Variants in ANKRD28 observed in about 807,000 individuals in gnomAD.
ANKRD28 encodes the protein ankyrin repeat domain 28.
Under a neutral mutation model 126.5 loss-of-function variants are expected in ANKRD28, and 44 were observed. That is an observed-to-expected ratio of 0.35 (90% CI 0.27 to 0.45). The LOEUF (loss-of-function observed/expected upper bound fraction) is 0.45, where lower values mean the gene tolerates loss of function less well. Among genes scored for constraint, ANKRD28 ranks in the 20% least tolerant of loss-of-function variants. The pLI is 1.00. For synonymous variants in ANKRD28, 442 were observed against 468.5 expected (o/e 0.94, Z 0.73); for missense variants, 1,110 against 1,316.6 (o/e 0.84, Z 2.43).
chr3:15,695,240 AT>A, intron 15 of ANKRD28, 26 bp from the exon 16 acceptor site: 1 of 1,533,764 alleles, frequency 6.5e-7, no homozygotes, highest in Non-Finnish European at 8.9e-7. Flanking sequence ...AAACAAAAAT[AT>A]TTAGCTTGGG....
At chr3:15,695,947 T>C (rs1221149792) in intron 15 of ANKRD28, among the ~76,000 whole-genome samples, 187 bp downstream of exon 15, 3 of 152,212 alleles carry the variant, frequency 2.0e-5, no homozygotes, top group African/African-American at 7.2e-5. Context: ...AATTTTCTCC[T>C]TTTTTAAAAG....
At chr3:15,758,194 T>G (rs1443365826) in intron 3 of ANKRD28, among the ~76,000 whole-genome samples, 1 of 152,256 alleles carries the variant, frequency 6.6e-6, no homozygotes, top group Non-Finnish European at 1.5e-5. Flanking sequence ...ACAGAGGAGA[T>G]AGTCCATAAC....
chr3:15,674,196 A>AAAAAAG lies in ANKRD28; in HGVS notation c.2965+1701_2965+1702insCTTTTT, dbSNP rs1470515364. On this transcript the variant is annotated intron_variant, in intron 27 of 27. Transcript: ENST00000683139. Reference sequence around the variant, plus strand: ...CTTCAAAAAAAAAAAAAAAAAAAAAAAAGAAGAAGAACCGAAATTCAAGAG... The same window carrying AAAAAAG: ...CTTCAAAAAAAAAAAAAAAAAAAAAAAAAAAGAAGAAGAAGAACCGAAATTCAAGAG... Among the ~76,000 whole-genome samples, 171 of 130,100 alleles carry AAAAAAG rather than the reference A, an allele frequency of 1.3e-3. 1 individual carries two copies. The highest frequency in any genetic ancestry group is 4.7e-3 in the African/African-American group (144 of 30,700). The allele number at this position is 130,100 out of a possible 152,430, so 85.4% of individuals were successfully genotyped here.
intron 1 of ANKRD28, among the ~76,000 whole-genome samples, chr3:15,826,557 G>A (rs1263909326): frequency 6.6e-6 from 1 of 152,162 alleles, no homozygotes; most frequent in Non-Finnish European, 1.5e-5. Flanking sequence ...GGGGAGCAGA[G>A]CTCTAGTTAT....
intron 6 of ANKRD28, among the ~76,000 whole-genome samples, 193 bp downstream of exon 6, chr3:15,735,217 C>G (rs2074938099): frequency 6.6e-6 from 1 of 152,036 alleles, no homozygotes. Flanking sequence ...TTTCAAACAG[C>G]TTTTAGATGA....
intron 1 of ANKRD28, among the ~76,000 whole-genome samples, chr3:15,813,745 T>C (rs1301235915): frequency 6.6e-6 from 1 of 152,180 alleles, no homozygotes; most frequent in East Asian, 1.9e-4. Flanking sequence ...ACTACTTTCA[T>C]GAAAACATAG....
exon 1 of ANKRD28, chr3:15,859,494 C>G: frequency 8.0e-7 from 1 of 1,256,076 alleles, no homozygotes. Context: ...CCCCAGTAGC[C>G]TTGGCCGCTG....
intron 2 of ANKRD28, among the ~76,000 whole-genome samples, chr3:15,768,139 TA>T (rs1487517356): frequency 1.3e-5 from 2 of 152,170 alleles, no homozygotes; most frequent in African/African-American, 4.8e-5. Flanking sequence ...TTATTTAAAG[TA>T]GGTAGTATAT....
At chr3:15,722,296 G>A (rs978452968) in intron 7 of ANKRD28, among the ~76,000 whole-genome samples, 8 of 152,176 alleles carry the variant, frequency 5.3e-5, no homozygotes, top group African/African-American at 9.6e-5. Context: ...AATAAAAACC[G>A]AAAATGAAGC....
chr3:15,673,388 T>C (rs567500121), intron 27 of ANKRD28, among the ~76,000 whole-genome samples: 7 of 152,328 alleles, frequency 4.6e-5, no homozygotes, highest in Non-Finnish European at 8.8e-5. Context: ...GCAGCAAATA[T>C]TCACTGAGCC....
At position 15,768,613 on chromosome 3, in the gene ANKRD28, T is replaced by C. The variant is rs185735150; in HGVS notation, c.202-2301A>G. On this transcript the variant is annotated intron_variant, in intron 2 of 27. Transcript: ENST00000683139. ...GCTGCTGTGAGCTATGACCATGCCA[T>C]TGCACTCCAGCCTGGGCAACAGAGC... Among the ~76,000 whole-genome samples, 271 of 151,872 alleles carry C rather than the reference T, an allele frequency of 1.8e-3. 3 individuals are homozygous for C. The highest frequency in any genetic ancestry group is 0.017 in the Admixed American group (259 of 15,248).
intron 18 of ANKRD28, among the ~76,000 whole-genome samples, chr3:15,688,661 A>C (rs76360504): frequency 1.3e-5 from 2 of 152,162 alleles, no homozygotes; most frequent in African/African-American, 4.8e-5. Flanking sequence ...AAAGGACTAG[A>C]AAAAAAATCC....
rs2059416774 is a variant in ANKRD28 at position 15,778,848 on chromosome 3, A to G, written c.202-12536T>C. Among the ~76,000 whole-genome samples, 5 of 152,182 alleles carry G rather than the reference A, an allele frequency of 3.3e-5. No individual in the cohort carries two copies. The South Asian group carries it at 1.0e-3, about 32-fold the overall frequency. On this transcript the variant is annotated intron_variant, in intron 2 of 27. Coordinates refer to ENST00000683139, the MANE Select transcript of ANKRD28 (RefSeq NM_001349278.2). ...ACGTGTCAAGGATGGGACTAGGTGG[A>G]GGTAAATGAATCATGGGGGGCAGTT...
intron 9 of ANKRD28, 29 bp downstream of exon 9, chr3:15,714,549 C>CA: frequency 7.0e-7 from 1 of 1,438,752 alleles, no homozygotes. Context: ...AAAAAAAAAC[C>CA]CCAAAAAAAA....
chr3:15,752,621 TG>T (rs2057925853), intron 3 of ANKRD28, among the ~76,000 whole-genome samples: 1 of 152,226 alleles, frequency 6.6e-6, no homozygotes. Context: ...CCCTGGTTCT[TG>T]GAAGTATAGA....
chr3:15,693,233 TAAG>T (rs935384256), intron 17 of ANKRD28, among the ~76,000 whole-genome samples: 2 of 152,136 alleles, frequency 1.3e-5, no homozygotes, highest in Non-Finnish European at 2.9e-5. Flanking sequence ...TAGAAATGGT[TAAG>T]AAGGTACGTT....
chr3:15,756,561 T>C (rs914115020), intron 3 of ANKRD28: 34 of 963,664 alleles, frequency 3.5e-5, no homozygotes, highest in African/African-American at 5.3e-5. Context: ...CATGGGTTAG[T>C]GGAAGGAACA....
intron 20 of ANKRD28, 27 bp from the exon 21 acceptor site, chr3:15,685,472 C>G (rs760164897): frequency 6.2e-7 from 1 of 1,604,502 alleles, no homozygotes; most frequent in Admixed American, 1.7e-5. Context: ...TAAAGGTAGT[C>G]AAACATATTA....
chr3:15,729,083 C>T (rs2074392685), intron 6 of ANKRD28, among the ~76,000 whole-genome samples: 1 of 152,180 alleles, frequency 6.6e-6, no homozygotes, highest in Non-Finnish European at 1.5e-5. Context: ...TAATTAAATG[C>T]TCCAGCCCAG....
Sources: allele counts gnomAD v4.1 joint callset (sites outside exome capture counted in the v4.1 genomes callset), GRCh38; gene constraint gnomAD v4.1.1; transcripts MANE v1.5; gene names NCBI Gene and HGNC (gene_info 2026-07-23, HGNC 2026-07-21).